RBFOX1: variants seen among roughly 807,000 people sequenced by gnomAD.
RBFOX1 encodes the protein RNA binding protein fox-1 homolog 1.
In RBFOX1, 8 loss-of-function variants were observed where a neutral mutation model predicts 57.7. The observed-to-expected ratio is 0.14, with a 90% CI of 0.08 to 0.25. RBFOX1 has a LOEUF of 0.25. RBFOX1 is among the 10% of genes least tolerant of loss of function. The pLI is 1.00. For synonymous variants in RBFOX1, 326 were observed against 222.4 expected (o/e 1.47, Z -4.15); for missense variants, 611 against 548.5 (o/e 1.11, Z -1.14).
At chr16:5,278,246 G>T (rs572859762) in intron 1 of RBFOX1, among the ~76,000 whole-genome samples, 1 of 152,184 alleles carries the variant, frequency 6.6e-6, no homozygotes, top group East Asian at 1.9e-4. Context: ...TTGCATTTCC[G>T]TGATGATTAG....
intron 4 of RBFOX1, among the ~76,000 whole-genome samples, chr16:7,246,036 C>G (rs755515530): frequency 6.6e-6 from 1 of 152,168 alleles, no homozygotes; most frequent in Non-Finnish European, 1.5e-5. Context: ...TATCACCCAC[C>G]TTAGATGAAT....
chr16:7,424,198 A>C (rs1447504822), intron 4 of RBFOX1, among the ~76,000 whole-genome samples: 1 of 152,072 alleles, frequency 6.6e-6, no homozygotes, highest in African/African-American at 2.4e-5. Context: ...TTTTAAAAGA[A>C]GTGCTCAAAT....
intron 2 of RBFOX1, among the ~76,000 whole-genome samples, chr16:5,500,215 C>T (rs2043145617): frequency 7.1e-6 from 1 of 141,386 alleles, no homozygotes; most frequent in East Asian, 2.4e-4. Flanking sequence ...CCATTGCATT[C>T]CGTTCCGTTC....
At chr16:6,883,229 C>G (rs1017363729) in intron 3 of RBFOX1, among the ~76,000 whole-genome samples, 1 of 152,182 alleles carries the variant, frequency 6.6e-6, no homozygotes, top group African/African-American at 2.4e-5. Flanking sequence ...AGAAATCTCG[C>G]TTTGCTACAC....
intron 6 of RBFOX1, 48 bp from the exon 7 acceptor site, chr16:7,587,199 C>A: frequency 4.8e-6 from 7 of 1,472,812 alleles, no homozygotes; most frequent in Non-Finnish European, 6.3e-6. Context: ...ATAGTAATGT[C>A]TACTGCATTT....
chr16:5,809,935 A>G lies in RBFOX1; in HGVS notation c.319-57368A>G, dbSNP rs550888571. On this transcript the variant is annotated intron_variant, in intron 3 of 19. Coordinates refer to the RBFOX1 transcript ENST00000641259. Reference sequence around the variant, plus strand: ...GACTTGGAACCAACCCAAATGTCCAACAATGATAGACTGGATTAAGAAAAT... The same window carrying G: ...GACTTGGAACCAACCCAAATGTCCAGCAATGATAGACTGGATTAAGAAAAT... 5.3e-4 allele frequency among the ~76,000 whole-genome samples: 80 copies of G among 152,298 alleles called. 1 individual carries two copies. The highest frequency in any genetic ancestry group is 1.9e-3 in the African/African-American group (78 of 41,566).
At chr16:6,144,713 G>A (rs1368146130) in intron 1 of RBFOX1, among the ~76,000 whole-genome samples, 2 of 152,192 alleles carry the variant, frequency 1.3e-5, no homozygotes, top group Non-Finnish European at 2.9e-5. Context: ...CCAGATAGGT[G>A]TCTTTGTTTA....
At chr16:7,490,587 T>G (rs898796561) in intron 4 of RBFOX1, among the ~76,000 whole-genome samples, 1 of 152,210 alleles carries the variant, frequency 6.6e-6, no homozygotes, top group Non-Finnish European at 1.5e-5. Flanking sequence ...TGTGACTTGT[T>G]TAACTCCCAC....
intron 1 of RBFOX1, among the ~76,000 whole-genome samples, chr16:6,077,302 A>G (rs940522534): frequency 1.5e-5 from 2 of 137,656 alleles, no homozygotes; most frequent in South Asian, 4.7e-4. Flanking sequence ...CATATGGAGC[A>G]TTTCTTGCTT....
At chr16:7,178,044 T>C (rs1423693017) in intron 4 of RBFOX1, among the ~76,000 whole-genome samples, 1 of 152,208 alleles carries the variant, frequency 6.6e-6, no homozygotes, top group African/African-American at 2.4e-5. Context: ...TGTACACTTG[T>C]ACTGTTGTAC....
chr16:5,428,643 G>A (rs2067636646), intron 1 of RBFOX1, among the ~76,000 whole-genome samples: 1 of 152,132 alleles, frequency 6.6e-6, no homozygotes, highest in Admixed American at 6.6e-5. Flanking sequence ...TGGAGGAGGT[G>A]ATGTTTAAGC....
chr16:6,885,086 A>C (rs1027035225), intron 3 of RBFOX1, among the ~76,000 whole-genome samples: 1 of 152,232 alleles, frequency 6.6e-6, no homozygotes, highest in Admixed American at 6.5e-5. Context: ...ATACAGAGAC[A>C]GATCAAACCA....
At chr16:6,760,201 C>G (rs1011981750) in intron 3 of RBFOX1, among the ~76,000 whole-genome samples, 4 of 152,146 alleles carry the variant, frequency 2.6e-5, no homozygotes, top group Non-Finnish European at 5.9e-5. Context: ...TATTTATTCT[C>G]TAAATAGTTT....
intron 3 of RBFOX1, among the ~76,000 whole-genome samples, chr16:5,668,421 AAG>A (rs1042594558): frequency 1.3e-5 from 2 of 152,214 alleles, no homozygotes; most frequent in African/African-American, 4.8e-5. Context: ...ACCTGTGAGA[AAG>A]AGAAGTGCTT....
intron 1 of RBFOX1, among the ~76,000 whole-genome samples, chr16:5,257,574 C>T (rs9937752): frequency 6.6e-6 from 1 of 151,804 alleles, no homozygotes; most frequent in Non-Finnish European, 1.5e-5. Context: ...GATTCTCATG[C>T]AGCCAGCCTG....
At chr16:7,187,528 A>G (rs1204341870) in intron 4 of RBFOX1, among the ~76,000 whole-genome samples, 2 of 151,298 alleles carry the variant, frequency 1.3e-5, no homozygotes, top group Non-Finnish European at 2.9e-5. Flanking sequence ...TCTCTACTAA[A>G]AATACAAAAA....
chr16:7,505,786 G>A (rs544244745), intron 4 of RBFOX1, among the ~76,000 whole-genome samples: 3 of 152,192 alleles, frequency 2.0e-5, no homozygotes, highest in Non-Finnish European at 4.4e-5. Context: ...AGTGAAATGA[G>A]ACAAGTAGCT....
Position 6,174,149 on chromosome 16 carries a change from G to A in RBFOX1, c.-126-142846G>A, listed in dbSNP as rs1423498201. Among the ~76,000 whole-genome samples, 5 of 152,112 alleles carry A rather than the reference G, an allele frequency of 3.3e-5. No individual in the cohort carries two copies. The East Asian group carries it at 5.8e-4, about 18-fold the overall frequency. ...GACTTGGTTTGCACTTCTATGAGTC[G>A]GCGTCATGTTGGGTACACTTTGCCT... On this transcript the variant is annotated intron_variant, in intron 1 of 15. Coordinates refer to ENST00000550418, the MANE Select transcript of RBFOX1 (RefSeq NM_018723.4).
chr16:6,713,921 G>A (rs750698138), intron 3 of RBFOX1, among the ~76,000 whole-genome samples: 2 of 152,158 alleles, frequency 1.3e-5, no homozygotes, highest in African/African-American at 4.8e-5. Flanking sequence ...TCTCAGCTGG[G>A]TTCTGCCAGA....
Sources: gnomAD v4.1 joint callset for allele counts (sites outside exome capture counted in the v4.1 genomes callset) on GRCh38, gnomAD v4.1.1 for gene constraint, MANE v1.5 for transcripts, NCBI Gene and HGNC (gene_info 2026-07-23, HGNC 2026-07-21) for gene names.